Variants in GNAS observed in about 807,000 individuals in gnomAD.
The protein encoded by GNAS is GNAS complex locus.
Under a neutral mutation model 54.5 loss-of-function variants are expected in GNAS, and 8 were observed. The observed-to-expected ratio is 0.15, with a 90% CI of 0.09 to 0.26. The LOEUF (loss-of-function observed/expected upper bound fraction) is 0.26. Among genes scored for constraint, GNAS ranks in the 10% least tolerant of loss-of-function variants. GNAS has a pLI of 1.00. For synonymous variants in GNAS, 204 were observed against 191.4 expected (o/e 1.07, Z -0.54); for missense variants, 170 against 529.8 (o/e 0.32, Z 6.67).
At position 58,910,256 on chromosome 20, in the gene GNAS, C is replaced by A. The variant is rs907318769; in HGVS notation, c.971-78C>A. 3.1e-6 allele frequency: 4 copies of A among 1,292,134 alleles called. No individual in the cohort carries two copies. In the South Asian group the frequency reaches 4.7e-5, roughly 15 times the overall value. The allele number at this position is 1,292,134 out of a possible 1,614,324, so 80.0% of individuals were successfully genotyped here. On this transcript the variant is annotated intron_variant, in intron 11 of 12. Coordinates refer to ENST00000371085, the MANE Select transcript of GNAS (RefSeq NM_000516.7). This position sits in a 1 kb window ranked among gnomAD's most constrained non-coding sequence, Gnocchi z 5.8. ...GGAAAAATCAGGGTTTTGAAGACTT[C>A]AGGAGCTACAGAGATGCTAGCACCC...
chr20:58,868,542 C>T (rs1161973088), intron 1 of GNAS, among the ~76,000 whole-genome samples: 1 of 144,056 alleles, frequency 6.9e-6, no homozygotes, highest in African/African-American at 2.7e-5. Flanking sequence ...GGGGCATCTG[C>T]TCGCCACAAG....
chr20:58,869,230 GA>G (rs944173235), intron 1 of GNAS, among the ~76,000 whole-genome samples: 3 of 151,794 alleles, frequency 2.0e-5, no homozygotes, highest in African/African-American at 7.3e-5. Context: ...TTTCTCAATT[GA>G]AAAAACAGGA....
chr20:58,854,073 G>A (rs779032810), intron 1 of GNAS: 8 of 1,611,864 alleles, frequency 5.0e-6, no homozygotes, highest in South Asian at 2.2e-5. Flanking sequence ...CACTCCCGCC[G>A]CGAACGCGCC....
chr20:58,862,309 C>T (rs1415529879), intron 1 of GNAS, among the ~76,000 whole-genome samples: 5 of 151,928 alleles, frequency 3.3e-5, no homozygotes, highest in African/African-American at 1.2e-4. Flanking sequence ...AGGTGCCTGC[C>T]AGCATGCCCA....
chr20:58,855,152 A>G (rs1186742433), intron 1 of GNAS: 33 of 1,612,936 alleles, frequency 2.0e-5, no homozygotes, highest in Non-Finnish European at 2.7e-5. Context: ...CCCAGCCCAA[A>G]GCCTCGCGCT....
chr20:58,910,499 G>A lies in GNAS; in HGVS notation c.1038+98G>A. On this transcript the variant is annotated intron_variant, in intron 12 of 12. Coordinates refer to ENST00000371085, the MANE Select transcript of GNAS (RefSeq NM_000516.7). The surrounding 1 kb of genome is among the most constrained non-coding windows in gnomAD (Gnocchi z 5.8). ...CCAAATTCAGGGGTTCAGCTACCCA[G>A]TTCCATGGTTTTAGTTCACGCACAT... The A allele has an allele frequency of 8.5e-7, 1 of 1,173,126 alleles. No homozygotes were observed. The highest frequency in any genetic ancestry group is 1.3e-6 in the Non-Finnish European group (1 of 784,244). The allele number at this position is 1,173,126 out of a possible 1,614,324, so 72.7% of individuals were successfully genotyped here. A position where few individuals can be genotyped will look rare whatever the true frequency, so the allele number is the denominator to read the frequency against.
At position 58,910,399 on chromosome 20, in the gene GNAS, C is replaced by T. The variant is rs139339659; in HGVS notation, c.1036C>T (p.Leu346=). 2.5e-5 allele frequency: 40 copies of T among 1,608,706 alleles called. No homozygotes were observed. In the African/African-American group the frequency reaches 4.0e-4, roughly 16 times the overall value. ...RAKYFIRDEF[L]RISTASGDGR... The stretch of plus-strand genomic sequence containing the variant: ...CAAGTACTTCATTCGAGATGAGTTT[C>T]TGGTGAGTCGAGCCTGTCTTTAGTT... The change falls in exon 12 of 13, where the codon CTG becomes TTG. Residue 346 remains leucine (L), a splice_region_variant and synonymous_variant. Coordinates refer to ENST00000371085, the MANE Select transcript of GNAS (RefSeq NM_000516.7). This position sits in a 1 kb window ranked among gnomAD's most constrained non-coding sequence, Gnocchi z 5.8.
intron 3 of GNAS, among the ~76,000 whole-genome samples, chr20:58,901,680 G>A (rs2090615627): frequency 6.6e-6 from 1 of 152,008 alleles, no homozygotes; most frequent in South Asian, 2.1e-4. Flanking sequence ...CACGTAGGAA[G>A]GGGGCGAGAT....
At chr20:58,866,582 A>T (rs1178197794) in intron 1 of GNAS, among the ~76,000 whole-genome samples, 2 of 152,204 alleles carry the variant, frequency 1.3e-5, no homozygotes, top group Non-Finnish European at 2.9e-5. Flanking sequence ...ACCATTATGG[A>T]AGGGGACTTT....
At chr20:58,850,500 C>G (rs1010973728) in intron 1 of GNAS, 51 of 398,414 alleles carry the variant, frequency 1.3e-4, no homozygotes, top group Non-Finnish European at 2.2e-4. Context: ...TGGCAGCCTC[C>G]CTGGGGCTCC....
At chr20:58,895,350 C>G (rs147389681) in intron 1 of GNAS, 2 of 472,134 alleles carry the variant, frequency 4.2e-6, no homozygotes, top group African/African-American at 3.9e-5. Context: ...ATTTTTTAAA[C>G]AATCAAAAGA....
intron 1 of GNAS, among the ~76,000 whole-genome samples, chr20:58,859,241 C>T (rs928346033): frequency 2.0e-5 from 3 of 152,244 alleles, no homozygotes; most frequent in African/African-American, 7.2e-5. Flanking sequence ...CCCTCTGTCA[C>T]CCAGGCTGGA....
chr20:58,892,240 A>C (rs2089494460), intron 1 of GNAS: 1 of 929,860 alleles, frequency 1.1e-6, no homozygotes, highest in Non-Finnish European at 1.3e-6. Flanking sequence ...GGGGGAGCCC[A>C]TGGGGCTCCG....
In GNAS at chr20:58,891,479, C is replaced by T. The variant is rs1347560563; in HGVS notation, c.-248C>T. 6 of 944,784 alleles carry T rather than the reference C, an allele frequency of 6.4e-6. No individual in the cohort carries two copies. The highest frequency in any genetic ancestry group is 7.5e-6 in the Non-Finnish European group (6 of 795,128). 58.5% of individuals were successfully genotyped at this position (944,784 alleles called of 1,614,324 possible). ...CGGCCCGGCGGCGGCCATCAGCCCC[C>T]TCGGCCTCGGCTCGAGGGGCGGGGA... On this transcript the variant is annotated 5_prime_UTR_variant, in exon 1 of 13. Coordinates refer to ENST00000371085, the MANE Select transcript of GNAS (RefSeq NM_000516.7).
chr20:58,890,296 AGGAGGG>A (rs2089049964), upstream of GNAS, among the ~76,000 whole-genome samples: 1 of 147,686 alleles, frequency 6.8e-6, no homozygotes, highest in Non-Finnish European at 1.5e-5. Flanking sequence ...GAGGGCGCCG[AGGAGGG>A]CGCCGTCGGG....
At chr20:58,840,591 G>GTC, upstream of GNAS, 6 of 1,610,902 alleles carry the variant, frequency 3.7e-6, no homozygotes, top group Non-Finnish European at 5.1e-6. The surrounding 1 kb of genome is among the most constrained non-coding windows in gnomAD (Gnocchi z 6.0). Flanking sequence ...CTCACCCAGC[G>GTC]TCTGCACGCT....
Position 58,857,666 on chromosome 20 carries a change from T to TG in GNAS, c.43+16786dup, listed in dbSNP as rs1446011085. Among the ~76,000 whole-genome samples the TG allele has an allele frequency of 6.6e-6, 1 of 151,818 alleles. No homozygotes were observed. Among genetic ancestry groups the TG allele is most frequent in the Non-Finnish European group, 1.5e-5 (1 of 67,958 alleles). On this transcript the variant is annotated intron_variant, in intron 1 of 12. Coordinates refer to the GNAS transcript ENST00000306090. The surrounding 1 kb of genome is among the most constrained non-coding windows in gnomAD (Gnocchi z 4.1). ...TTGAGTCTTCTATTCTTCCTGGAGG[T>TG]GGGGGGTGGAGGAGACACAGTCTAC...
chr20:58,891,117 G>A (rs1350682062), upstream of GNAS, among the ~76,000 whole-genome samples: 2 of 148,636 alleles, frequency 1.3e-5, no homozygotes, highest in South Asian at 2.1e-4. Flanking sequence ...CCGGGCTGCT[G>A]CCCGAGCCCG....
chr20:58,867,515 A>T (rs1475433637), intron 1 of GNAS: 1 of 152,244 alleles, frequency 6.6e-6, no homozygotes, highest in African/African-American at 2.4e-5. Flanking sequence ...CTTCTACCAT[A>T]GGTCTGATCT....
Sources: gnomAD v4.1 joint callset for allele counts (sites outside exome capture counted in the v4.1 genomes callset) on GRCh38, gnomAD v4.1.1 for gene constraint, Gnocchi (gnomAD v3.1) non-coding constraint, MANE v1.5 for transcripts, NCBI Gene and HGNC (gene_info 2026-07-23, HGNC 2026-07-21) for gene names.